The following PTPRD variants were observed in gnomAD, a reference collection of about 807,000 sequenced individuals.
PTPRD encodes receptor-type tyrosine-protein phosphatase delta.
PTPRD carries 34 observed loss-of-function variants against 214.5 expected under a neutral mutation model. The observed-to-expected ratio is 0.16, with a 90% CI of 0.12 to 0.21. The LOEUF is 0.21. PTPRD is among the 10% of genes least tolerant of loss of function. The pLI is 1.00. For synonymous variants in PTPRD, 1,128 were observed against 845.7 expected, an observed-to-expected ratio of 1.33 and a Z score of -5.79; for missense variants, 2,545 against 2,398.7, an observed-to-expected ratio of 1.06 and a Z score of -1.27.
chr9:8,552,533 TG>T (rs1463211335), intron 14 of PTPRD, among the ~76,000 whole-genome samples: 2 of 152,084 alleles, frequency 1.3e-5, no homozygotes, highest in Admixed American at 1.3e-4. Flanking sequence ...GAAGCAGCCC[TG>T]GGAGACTTCT....
At chr9:9,545,224 G>C (rs902905546) in intron 8 of PTPRD, among the ~76,000 whole-genome samples, 2 of 151,672 alleles carry the variant, frequency 1.3e-5, no homozygotes, top group African/African-American at 4.8e-5. Flanking sequence ...TTAGACAAAT[G>C]TATAACGACA....
At chr9:9,119,716 G>T (rs960517835) in intron 10 of PTPRD, among the ~76,000 whole-genome samples, 3 of 151,874 alleles carry the variant, frequency 2.0e-5, no homozygotes, top group African/African-American at 7.3e-5. Flanking sequence ...TAGAGACGGG[G>T]TTTCACCATG....
intron 11 of PTPRD, among the ~76,000 whole-genome samples, chr9:8,797,910 C>T (rs999161014): frequency 1.3e-5 from 2 of 150,648 alleles, no homozygotes; most frequent in Non-Finnish European, 2.9e-5. Context: ...TGATATGTCA[C>T]CGAAGCTGGA....
chr9:10,593,168 T>A (rs1041637827), intron 2 of PTPRD, among the ~76,000 whole-genome samples: 1 of 152,104 alleles, frequency 6.6e-6, no homozygotes, highest in East Asian at 1.9e-4. Flanking sequence ...CATAGAGTTG[T>A]ATCCTAAAGC....
chr9:10,439,501 G>T (rs542893381), intron 2 of PTPRD, among the ~76,000 whole-genome samples: 2 of 151,706 alleles, frequency 1.3e-5, no homozygotes, highest in East Asian at 3.9e-4. Flanking sequence ...ACAAGGTAGT[G>T]GTCTTGGACA....
At chr9:8,786,219 C>A (rs909198479) in intron 11 of PTPRD, among the ~76,000 whole-genome samples, 2 of 151,866 alleles carry the variant, frequency 1.3e-5, no homozygotes, top group South Asian at 4.1e-4. Context: ...GAACTTGTTC[C>A]TGTGTTAACT....
intron 7 of PTPRD, among the ~76,000 whole-genome samples, chr9:9,659,156 T>G (rs1427894203): frequency 6.6e-6 from 1 of 152,118 alleles, no homozygotes; most frequent in Non-Finnish European, 1.5e-5. Context: ...AACTTGCAAT[T>G]CATTAGTTAC....
intron 9 of PTPRD, among the ~76,000 whole-genome samples, chr9:9,352,808 T>C (rs911784371): frequency 3.3e-5 from 5 of 151,990 alleles, no homozygotes; most frequent in Admixed American, 2.0e-4. Context: ...GATTCTCTTC[T>C]TAAATATGTA....
At position 10,040,606 on chromosome 9, in the gene PTPRD, T is replaced by G. The variant is rs376924813; in HGVS notation, c.-544-6816A>C. Among the ~76,000 whole-genome samples, 70 of 152,174 alleles carry G rather than the reference T, an allele frequency of 4.6e-4. No individual in the cohort carries two copies. In the East Asian group the frequency reaches 0.011, roughly 24 times the overall value. On this transcript the variant is annotated intron_variant, in intron 3 of 45. Coordinates refer to ENST00000381196, the MANE Select transcript of PTPRD (RefSeq NM_002839.4). ...TAGCAACGAGAGGCTATATTTGGTT[T>G]CTGCAGACTTGTTTATGGAACTCAC... is the stretch of plus-strand genomic sequence containing the variant.
intron 3 of PTPRD, among the ~76,000 whole-genome samples, chr9:10,245,997 C>T (rs1173552283): frequency 6.6e-6 from 1 of 152,134 alleles, no homozygotes; most frequent in African/African-American, 2.4e-5. Context: ...AGTTAAACCA[C>T]ATTAGGAAAT....
chr9:9,055,971 T>A lies in PTPRD; in HGVS notation c.-142-37236A>T, dbSNP rs1052096469. On this transcript the variant is annotated intron_variant, in intron 10 of 45. Coordinates refer to ENST00000381196, the MANE Select transcript of PTPRD (RefSeq NM_002839.4). ...CATGGTTTATTCTGCTGGACTTCTC[T>A]ATGTCATTTGTTTTATGTTCTGGTG... Among the ~76,000 whole-genome samples the A allele has an allele frequency of 2.6e-5, 4 of 152,134 alleles. No individual in the cohort carries two copies. In the East Asian group the frequency reaches 7.7e-4, roughly 29 times the overall value.
At chr9:8,413,665 C>T (rs1270141374) in intron 35 of PTPRD, among the ~76,000 whole-genome samples, 2 of 152,084 alleles carry the variant, frequency 1.3e-5, no homozygotes, top group Non-Finnish European at 2.9e-5. Flanking sequence ...AGAAGTCACA[C>T]AGGATGATCA....
At chr9:9,146,300 T>C (rs10121402) in intron 10 of PTPRD, among the ~76,000 whole-genome samples, 45,411 of 151,972 alleles carry the variant, frequency 0.3, 7,856 homozygotes, top group Non-Finnish European at 0.39. Context: ...AATTACATAT[T>C]TGGTTGTAGT....
At chr9:9,576,419 T>A (rs1401821436) in intron 7 of PTPRD, among the ~76,000 whole-genome samples, 5 of 152,162 alleles carry the variant, frequency 3.3e-5, no homozygotes, top group African/African-American at 9.6e-5. Context: ...TTGTACAGTA[T>A]CACTTTCTGC....
intron 4 of PTPRD, among the ~76,000 whole-genome samples, chr9:9,941,030 A>G (rs556991759): frequency 5.3e-5 from 8 of 152,182 alleles, no homozygotes; most frequent in African/African-American, 1.9e-4. Context: ...GTCTTGGGCT[A>G]CACATAAGAT....
intron 12 of PTPRD, among the ~76,000 whole-genome samples, chr9:8,715,762 A>G (rs560393909): frequency 1.3e-5 from 2 of 152,366 alleles, no homozygotes; most frequent in Non-Finnish European, 1.5e-5. Flanking sequence ...ATCATGTTTC[A>G]TTTGATCTCT....
chr9:10,286,780 T>A (rs1421956651), intron 3 of PTPRD, among the ~76,000 whole-genome samples: 2 of 152,072 alleles, frequency 1.3e-5, no homozygotes, highest in Non-Finnish European at 2.9e-5. Flanking sequence ...TTTGTATTTT[T>A]ACTAGAGACG....
At chr9:10,187,629 A>C (rs1651338963) in intron 3 of PTPRD, among the ~76,000 whole-genome samples, 1 of 152,228 alleles carries the variant, frequency 6.6e-6, no homozygotes, top group African/African-American at 2.4e-5. Context: ...TCGCTCTCCA[A>C]TACTGAAACT....
At chr9:8,561,733 T>C (rs2086446480) in intron 14 of PTPRD, among the ~76,000 whole-genome samples, 1 of 149,508 alleles carries the variant, frequency 6.7e-6, no homozygotes, top group Non-Finnish European at 1.5e-5. Context: ...TATAAAGTCT[T>C]TAGGAAAGGA....
Sources: allele counts gnomAD v4.1 joint callset (sites outside exome capture counted in the v4.1 genomes callset), GRCh38; gene constraint gnomAD v4.1.1; transcripts MANE v1.5; gene names NCBI Gene and HGNC (gene_info 2026-07-23, HGNC 2026-07-21).